The following FAAH variants were observed in gnomAD, a reference collection of about 807,000 sequenced individuals.
FAAH encodes fatty acid amide hydrolase.
In FAAH, 63 loss-of-function variants were observed where a neutral mutation model predicts 69.7. That is an observed-to-expected ratio of 0.90 (90% CI 0.74 to 1.12). The LOEUF is 1.12. FAAH is among the 50% of genes most tolerant of loss of function. The pLI is 0.00. For missense variants in FAAH, 680 were observed against 755.0 expected, an observed-to-expected ratio of 0.90 and a Z score of 1.16; for synonymous variants, 305 against 324.2, an observed-to-expected ratio of 0.94 and a Z score of 0.64.
chr1:46,394,673 C>A (rs1366894226), intron 1 of FAAH, 130 bp downstream of exon 1: 2 of 814,994 alleles, frequency 2.5e-6, no homozygotes, highest in Non-Finnish European at 1.7e-6. Context: ...AGAATCTCTC[C>A]TTGCCCTAAG....
chr1:46,408,524 C>G lies in FAAH; in HGVS notation c.1017C>G (p.Ser339=), dbSNP rs201501517. 6.2e-6 allele frequency: 10 copies of G among 1,614,076 alleles called. No homozygotes were observed. In the African/African-American group the frequency reaches 1.3e-4, roughly 22 times the overall value. ...AGACTGACAACTATACCATGCCCTC[C>G]CCGGCCATGAGGCGGGCCGTGCTGG... The part of the protein sequence containing the change: ...YYETDNYTMP[S]PAMRRAVLET... Residue 339 remains serine, a synonymous_variant, in exon 8 of 15, where the codon TCC becomes TCG. Transcript: ENST00000243167.
At position 46,410,486 on chromosome 1, in the gene FAAH, G is replaced by A. The variant is rs1664891569; in HGVS notation, c.1264G>A (p.Val422Met). 4 of 1,614,066 alleles carry A rather than the reference G, an allele frequency of 2.5e-6. No homozygotes were observed. The East Asian group carries it at 6.7e-5, about 27-fold the overall frequency. The change falls in exon 10 of 15, where the codon GTG (valine) becomes ATG (methionine). Residue 422 changes from valine (V) to methionine (M), a missense_variant. Physicochemically the swap from Val to Met is conservative, Grantham distance 21 (BLOSUM62 1). Transcript: ENST00000243167. The surrounding 1 kb of genome is among the most constrained non-coding windows in gnomAD (Gnocchi z 4.9). ...QWLKGLLAFLVKPLLPRLSAF... is the reference protein window; with the variant it reads ...QWLKGLLAFLMKPLLPRLSAF... ...GCTTAAAGGACTGCTGGCCTTCCTG[G>A]TGAAGCCTCTGGTGAGGGCACAAGG...
rs749236691 is a variant in FAAH, at chr1:46,413,597, T to C, written c.*22T>C. ...CTGATGGCTCTGGCTCCAGAGGACC[T>C]GAGACTCACACTCTCTGCAGCCCAG... is the stretch of plus-strand genomic sequence containing the variant. On this transcript the variant is annotated 3_prime_UTR_variant, in exon 15 of 15. Transcript: ENST00000243167. 3 of 1,613,872 alleles carry C rather than the reference T, an allele frequency of 1.9e-6. No individual in the cohort carries two copies. In the East Asian group the frequency reaches 6.7e-5, roughly 36 times the overall value.
chr1:46,402,215 C>G lies in FAAH; in HGVS notation c.309+11C>G, dbSNP rs1664716128. 1.3e-6 allele frequency: 2 copies of G among 1,569,068 alleles called. No individual in the cohort carries two copies. The highest frequency in any genetic ancestry group is 2.8e-5 in the African/African-American group (2 of 71,438). The stretch of plus-strand genomic sequence containing the variant: ...ACCTATGTGGGAAAGGTAAGGCCAG[C>G]CAAGGCCAGCCCCTCCCTGGGAAAG... On this transcript the variant is annotated intron_variant, in intron 2 of 14. Coordinates refer to ENST00000243167, the MANE Select transcript of FAAH (RefSeq NM_001441.3).
rs779018864 is a variant in FAAH at position 46,413,546 on chromosome 1, C to CTGA, written c.1715_1717dup (p.Met572dup). ...GCGGTTCATGCGGGAGGTGGAGCGA[C>CTGA]TGATGACCCCTGAAAAGCAGTCATC... is the stretch of plus-strand genomic sequence containing the variant. On this transcript the variant is annotated inframe_insertion, in exon 15 of 15. Transcript: ENST00000243167. 2.5e-6 allele frequency: 4 copies of CTGA among 1,613,978 alleles called. No homozygotes were observed. Among genetic ancestry groups the CTGA allele is most frequent in the Non-Finnish European group, 3.4e-6 (4 of 1,179,998 alleles).
chr1:46,394,601 T>TCAG, intron 1 of FAAH, 58 bp downstream of exon 1: 1 of 1,266,766 alleles, frequency 7.9e-7, no homozygotes, highest in Non-Finnish European at 9.9e-7. Flanking sequence ...AGCGGCACTT[T>TCAG]CAGCCGCCGG....
chr1:46,412,934 G>A, intron 13 of FAAH, 141 bp from the exon 14 acceptor site: 1 of 1,024,972 alleles, frequency 9.8e-7, no homozygotes, highest in Non-Finnish European at 1.5e-6. Flanking sequence ...CCTGGGCTTT[G>A]TCACTCAGAC....
Position 46,413,523 on chromosome 1 carries a change from G to T in FAAH, c.1688G>T (p.Arg563Leu). The change falls in exon 15 of 15, where the codon CGG becomes CTG. Residue 563 changes from arginine to leucine, a missense_variant. Arg to Leu is a moderately radical substitution (Grantham distance 102). Coordinates refer to ENST00000243167, the MANE Select transcript of FAAH (RefSeq NM_001441.3). ...ALPWQEELCL[R>L]FMREVERLMT... is the part of the protein sequence containing the mutation. Reference sequence around the variant, plus strand: ...CCCTGGCAAGAAGAGTTGTGTCTGCGGTTCATGCGGGAGGTGGAGCGACTG... The same window carrying T: ...CCCTGGCAAGAAGAGTTGTGTCTGCTGTTCATGCGGGAGGTGGAGCGACTG... 1 of 1,614,094 alleles carries T rather than the reference G, an allele frequency of 6.2e-7. No homozygotes were observed. Among genetic ancestry groups the T allele is most frequent in the Non-Finnish European group, 8.5e-7 (1 of 1,179,992 alleles).
Position 46,405,265 on chromosome 1 carries a change from G to A in FAAH, c.445-107G>A. 1.2e-6 allele frequency: 2 copies of A among 1,608,334 alleles called. No individual in the cohort carries two copies. Among genetic ancestry groups the A allele is most frequent in the South Asian group, 2.2e-5 (2 of 90,880 alleles). On this transcript the variant is annotated intron_variant, in intron 3 of 14. Coordinates refer to ENST00000243167, the MANE Select transcript of FAAH (RefSeq NM_001441.3). This position sits in a 1 kb window ranked among gnomAD's most constrained non-coding sequence, Gnocchi z 4.1. ...GTATCAGGTCCAGAGGCCTTCCGAG[G>A]GGACACTGGTATACCTGTTTTGGCC...
At position 46,413,824 on chromosome 1, in the gene FAAH, C is replaced by T. The variant is rs1664961195; in HGVS notation, c.*249C>T. 1.9e-6 allele frequency: 1 copy of T among 539,832 alleles called. No individual in the cohort carries two copies. The highest frequency in any genetic ancestry group is 3.3e-6 in the Non-Finnish European group (1 of 298,786). 33.4% of individuals were successfully genotyped at this position (539,832 alleles called of 1,614,324 possible). A position where few individuals can be genotyped will look rare whatever the true frequency, so the allele number is the denominator to read the frequency against. On this transcript the variant is annotated 3_prime_UTR_variant, in exon 15 of 15. Coordinates refer to ENST00000243167, the MANE Select transcript of FAAH (RefSeq NM_001441.3). ...CCCATGGGTATGACATAGGCCAAGG[C>T]CCAACTAACAGTCAAGAAACAGCTC...
At chr1:46,408,679 C>T (rs1214578290) in intron 8 of FAAH, 95 bp downstream of exon 8, 3 of 1,585,946 alleles carry the variant, frequency 1.9e-6, no homozygotes, top group Non-Finnish European at 2.6e-6. Flanking sequence ...CATCCTGGCA[C>T]TCTGACGATG....
In FAAH at chr1:46,409,135, C is replaced by T. The variant is rs762114834; in HGVS notation, c.1112C>T (p.Ala371Val). 9 of 1,613,962 alleles carry T rather than the reference C, an allele frequency of 5.6e-6. No homozygotes were observed. Among genetic ancestry groups the T allele is most frequent in the South Asian group, 2.2e-5 (2 of 91,072 alleles). The change falls in exon 9 of 15, where the codon GCT (alanine) becomes GTT (valine). Residue 371 changes from alanine to valine, a missense_variant. Physicochemically the swap from Ala to Val is moderately conservative, Grantham distance 64. Coordinates refer to ENST00000243167, the MANE Select transcript of FAAH (RefSeq NM_001441.3). ...TTCTTGCCAAGCAACATACCCCATGCTCTGGAGACCCTGTCAACAGGTGGG... is the reference window on the plus strand; with the variant it reads ...TTCTTGCCAAGCAACATACCCCATGTTCTGGAGACCCTGTCAACAGGTGGG... ...VPFLPSNIPH[A>V]LETLSTGGLF...
Position 46,411,021 on chromosome 1 carries a change from T to C in FAAH, c.1316+167T>C. The stretch of plus-strand genomic sequence containing the variant: ...GCCTTCAGATGGGACTTTGAAGTTG[T>C]CTTGGCAAGGTCCAGTTCTGGCTGG... On this transcript the variant is annotated intron_variant, in intron 11 of 14. Coordinates refer to ENST00000243167, the MANE Select transcript of FAAH (RefSeq NM_001441.3). The surrounding 1 kb of genome is among the most constrained non-coding windows in gnomAD (Gnocchi z 4.8). 1.3e-6 allele frequency: 1 copy of C among 794,588 alleles called. No individual in the cohort carries two copies. Among genetic ancestry groups the C allele is most frequent in the South Asian group, 1.4e-5 (1 of 69,010 alleles). The allele number at this position is 794,588 out of a possible 1,614,324, so 49.2% of individuals were successfully genotyped here. A position where few individuals can be genotyped will look rare whatever the true frequency, so the allele number is the denominator to read the frequency against.
At chr1:46,412,114 T>C (rs200878582) in intron 12 of FAAH, 29 bp from the exon 13 acceptor site, 7 of 1,542,892 alleles carry the variant, frequency 4.5e-6, no homozygotes, top group Non-Finnish European at 6.1e-6. Context: ...GTCTGAGTGC[T>C]TTCACCTGGT....
At position 46,413,480 on chromosome 1, in the gene FAAH, G is replaced by T; in HGVS notation, c.1645G>T (p.Val549Leu). ...MKKSVGLPVA[V>L]QCVALPWQEE... ...GAAGAGTGTGGGGCTGCCGGTGGCC[G>T]TGCAGTGTGTGGCTCTGCCCTGGCA... Residue 549 changes from valine (V) to leucine (L), a missense_variant, in exon 15 of 15, where the codon GTG (valine) becomes TTG (leucine). Coordinates refer to ENST00000243167, the MANE Select transcript of FAAH (RefSeq NM_001441.3). The T allele has an allele frequency of 1.9e-6, 3 of 1,614,064 alleles. No individual in the cohort carries two copies. The highest frequency in any genetic ancestry group is 2.5e-6 in the Non-Finnish European group (3 of 1,179,992).
chr1:46,408,386 C>T, intron 7 of FAAH, 73 bp from the exon 8 acceptor site: 3 of 1,607,734 alleles, frequency 1.9e-6, no homozygotes, highest in Non-Finnish European at 2.6e-6. Context: ...TGAGTAGTTT[C>T]TCTGATCTCT....
chr1:46,409,018 C>T, intron 8 of FAAH, 83 bp from the exon 9 acceptor site: 1 of 1,164,928 alleles, frequency 8.6e-7, no homozygotes. Flanking sequence ...TGGTCCAATC[C>T]ATCCTCAGGG....
chr1:46,400,414 G>A (rs1052354443), intron 1 of FAAH, among the ~76,000 whole-genome samples: 2 of 150,148 alleles, frequency 1.3e-5, no homozygotes, highest in Non-Finnish European at 2.9e-5. Flanking sequence ...GGGTGGCCGC[G>A]TGTGACCTAG....
chr1:46,406,450 CCT>C, intron 7 of FAAH, 82 bp downstream of exon 7: 1 of 1,588,134 alleles, frequency 6.3e-7, no homozygotes, highest in Non-Finnish European at 8.6e-7. Flanking sequence ...CCTTGGAGCC[CCT>C]GTCTCCTGAG....
Sources: allele counts gnomAD v4.1 joint callset (sites outside exome capture counted in the v4.1 genomes callset), GRCh38; gene constraint gnomAD v4.1.1; non-coding constraint Gnocchi (gnomAD v3.1); transcripts MANE v1.5; gene names NCBI Gene and HGNC (gene_info 2026-07-23, HGNC 2026-07-21).